Variants in BASP1 observed in about 807,000 individuals in gnomAD.
BASP1 encodes brain acid soluble protein 1.
In BASP1, 1 loss-of-function variant was observed where a neutral mutation model predicts 2.2. That is an observed-to-expected ratio of 0.46 (90% confidence interval 0.16 to 2.17). The LOEUF (loss-of-function observed/expected upper bound fraction) is 2.17, where lower values mean the gene tolerates loss of function less well. BASP1 is among the 30% of genes most tolerant of loss of function. BASP1 has a pLI of 0.27. For synonymous variants in BASP1, 187 were observed against 154.2 expected (o/e 1.21, Z -1.58); for missense variants, 352 against 327.2 (o/e 1.08, Z -0.58).
chr5:17,216,964 G>C (rs1427861959), upstream of BASP1: 1 of 152,462 alleles, frequency 6.6e-6, no homozygotes, highest in East Asian at 2.0e-4. This position sits in a 1 kb window ranked among gnomAD's most constrained non-coding sequence, Gnocchi z 6.4. Flanking sequence ...GCTGGTGCCA[G>C]GGGGTGTCAT....
At chr5:17,218,744 C>T (rs1218265005) in intron 1 of BASP1, among the ~76,000 whole-genome samples, 2 of 146,664 alleles carry the variant, frequency 1.4e-5, no homozygotes, top group Non-Finnish European at 3.0e-5. Flanking sequence ...GCTCCCCCCG[C>T]CCCCGTCCCC....
intron 1 of BASP1, among the ~76,000 whole-genome samples, chr5:17,271,959 C>T (rs140554013): frequency 1.2e-4 from 18 of 151,024 alleles, no homozygotes; most frequent in African/African-American, 2.9e-4. Context: ...CTCAGCTACT[C>T]GGGAGGCTGG....
At chr5:17,226,947 T>A (rs11133890) in intron 1 of BASP1, among the ~76,000 whole-genome samples, 2 of 27,236 alleles carry the variant, frequency 7.3e-5, no homozygotes, top group African/African-American at 7.1e-4. Flanking sequence ...TTTTTTTTTC[T>A]TTTTTTCGTT....
At chr5:17,241,131 G>C (rs1276524861) in intron 1 of BASP1, among the ~76,000 whole-genome samples, 1 of 136,024 alleles carries the variant, frequency 7.4e-6, no homozygotes, top group Admixed American at 7.9e-5. Flanking sequence ...GCCGAGTTTT[G>C]CTCTGTTGCC....
chr5:17,228,262 C>A (rs1739559203), intron 1 of BASP1, among the ~76,000 whole-genome samples: 1 of 152,124 alleles, frequency 6.6e-6, no homozygotes, highest in Non-Finnish European at 1.5e-5. Flanking sequence ...TCATCTGTAC[C>A]AAAGTTTTCT....
intron 1 of BASP1, among the ~76,000 whole-genome samples, chr5:17,262,710 G>T (rs1198635364): frequency 2.0e-5 from 3 of 152,040 alleles, no homozygotes; most frequent in East Asian, 3.9e-4. Flanking sequence ...TCCTTCTCTT[G>T]ATAACGTTTG....
chr5:17,274,610 T>A (rs1001635140), intron 1 of BASP1, among the ~76,000 whole-genome samples: 14 of 152,304 alleles, frequency 9.2e-5, no homozygotes, highest in Non-Finnish European at 5.9e-5. Flanking sequence ...GGATTGCAGA[T>A]GAAAAACAGA....
At chr5:17,273,690 G>A (rs1158490459) in intron 1 of BASP1, among the ~76,000 whole-genome samples, 4 of 152,108 alleles carry the variant, frequency 2.6e-5, no homozygotes, top group Admixed American at 2.6e-4. Context: ...TCTAAATAAG[G>A]GATGTATATA....
At chr5:17,243,098 C>T (rs1013755097) in intron 1 of BASP1, among the ~76,000 whole-genome samples, 1 of 151,462 alleles carries the variant, frequency 6.6e-6, no homozygotes, top group African/African-American at 2.4e-5. Flanking sequence ...GACATGCTAA[C>T]ATGCTAGGTG....
chr5:17,246,094 A>G (rs1329040909), intron 1 of BASP1, among the ~76,000 whole-genome samples: 1 of 152,206 alleles, frequency 6.6e-6, no homozygotes, highest in Non-Finnish European at 1.5e-5. Flanking sequence ...TCTTTCAGCC[A>G]GAAACAATAG....
chr5:17,269,700 C>T (rs377325817), intron 1 of BASP1, among the ~76,000 whole-genome samples: 2 of 152,206 alleles, frequency 1.3e-5, no homozygotes, highest in African/African-American at 4.8e-5. Flanking sequence ...AAGTTAGTAT[C>T]TCTATTAAGC....
rs1740607552 is a variant in BASP1, at chr5:17,275,190, T to C, written c.-9-18T>C. 6.2e-7 allele frequency: 1 copy of C among 1,611,448 alleles called. No homozygotes were observed. Among genetic ancestry groups the C allele is most frequent in the Admixed American group, 1.7e-5 (1 of 59,470 alleles). The stretch of plus-strand genomic sequence containing the variant: ...GCCTAGTAACCGCCGTTTTGTTTTG[T>C]TTTGTGTTTGCTTCCAGAACTCCAA... On this transcript the variant is annotated intron_variant, in intron 1 of 1. Coordinates refer to ENST00000322611, the MANE Select transcript of BASP1 (RefSeq NM_006317.5). The surrounding 1 kb of genome is among the most constrained non-coding windows in gnomAD (Gnocchi z 5.3).
intron 1 of BASP1, among the ~76,000 whole-genome samples, chr5:17,258,056 A>G (rs1362179739): frequency 1.3e-5 from 2 of 152,212 alleles, no homozygotes; most frequent in Admixed American, 6.5e-5. Context: ...AAACTGTGGT[A>G]CTAACAAGAC....
At chr5:17,228,998 C>T (rs1022273634) in intron 1 of BASP1, among the ~76,000 whole-genome samples, 1 of 151,836 alleles carries the variant, frequency 6.6e-6, no homozygotes, top group African/African-American at 2.4e-5. Context: ...GGTGAGAATT[C>T]AGAGATGTAT....
intron 1 of BASP1, among the ~76,000 whole-genome samples, chr5:17,242,402 G>A (rs770510133): frequency 6.6e-6 from 1 of 151,782 alleles, no homozygotes; most frequent in Non-Finnish European, 1.5e-5. Flanking sequence ...TAAGTCTTGC[G>A]CCGCCCCCCA....
chr5:17,253,074 A>G (rs563770256), intron 1 of BASP1, among the ~76,000 whole-genome samples: 1 of 152,366 alleles, frequency 6.6e-6, no homozygotes, highest in East Asian at 1.9e-4. Flanking sequence ...TAGAATTTCT[A>G]GCTCATAATC....
chr5:17,264,073 A>G (rs1024829026), intron 1 of BASP1, among the ~76,000 whole-genome samples: 4 of 152,334 alleles, frequency 2.6e-5, no homozygotes, highest in South Asian at 2.1e-4. Flanking sequence ...TGGTTGGAAT[A>G]CTAAAAATAC....
Position 17,276,003 on chromosome 5 carries a change from C to T in BASP1, c.*103C>T, listed in dbSNP as rs1740653879. The stretch of plus-strand genomic sequence containing the variant: ...TCTCTATCTCCTCTCTCTCTCTCCT[C>T]TCCTATCTCTCCTCTCTCTCTCTCC... On this transcript the variant is annotated 3_prime_UTR_variant, in exon 2 of 2. Coordinates refer to ENST00000322611, the MANE Select transcript of BASP1 (RefSeq NM_006317.5). The T allele has an allele frequency of 2.1e-6, 2 of 968,936 alleles. No individual in the cohort carries two copies. Among genetic ancestry groups the T allele is most frequent in the South Asian group, 2.3e-5 (1 of 44,400 alleles). 60.0% of individuals were successfully genotyped at this position (968,936 alleles called of 1,614,324 possible).
At chr5:17,273,112 T>A (rs1297851096) in intron 1 of BASP1, among the ~76,000 whole-genome samples, 1 of 152,222 alleles carries the variant, frequency 6.6e-6, no homozygotes. Flanking sequence ...GGACCCAATG[T>A]ATTTTGAAAT....
Sources: gnomAD v4.1 joint callset for allele counts (sites outside exome capture counted in the v4.1 genomes callset) on GRCh38, gnomAD v4.1.1 for gene constraint, Gnocchi (gnomAD v3.1) non-coding constraint, MANE v1.5 for transcripts, NCBI Gene and HGNC (gene_info 2026-07-23, HGNC 2026-07-21) for gene names.